MEF2A: variants seen among roughly 807,000 people sequenced by gnomAD.
The protein encoded by MEF2A is myocyte-specific enhancer factor 2A.
Under a neutral mutation model 55.8 loss-of-function variants are expected in MEF2A, and 28 were observed. That is an observed-to-expected ratio of 0.50 (90% CI 0.37 to 0.69). The LOEUF is 0.69. Ranked by LOEUF, MEF2A falls within the 30% of genes least tolerant of loss-of-function variation. MEF2A has a pLI of 0.00. For missense variants in MEF2A, 528 were observed against 626.2 expected, an observed-to-expected ratio of 0.84 and a Z score of 1.67; for synonymous variants, 239 against 227.1, an observed-to-expected ratio of 1.05 and a Z score of -0.47.
chr15:99,600,302 C>T (rs185349948), intron 2 of MEF2A, among the ~76,000 whole-genome samples: 15 of 152,238 alleles, frequency 9.9e-5, no homozygotes, highest in Admixed American at 3.9e-4. Context: ...TCCTTCATGA[C>T]GGGCCTTCTA....
intron 8 of MEF2A, among the ~76,000 whole-genome samples, chr15:99,701,334 C>T (rs574584090): frequency 2.0e-4 from 31 of 152,120 alleles, no homozygotes; most frequent in Non-Finnish European, 4.4e-4. Context: ...AAATCAGACC[C>T]AAATTGAGAG....
At chr15:99,680,924 GCAAA>G (rs1318379565) in intron 7 of MEF2A, among the ~76,000 whole-genome samples, 1 of 152,040 alleles carries the variant, frequency 6.6e-6, no homozygotes, top group Non-Finnish European at 1.5e-5. Context: ...TGTCATCTGT[GCAAA>G]TAAAACTTGG....
chr15:99,635,830 A>G (rs1318022233), intron 3 of MEF2A, among the ~76,000 whole-genome samples: 1 of 152,046 alleles, frequency 6.6e-6, no homozygotes, highest in Admixed American at 6.5e-5. Context: ...ACTTTTTTCT[A>G]TTGTAAATGG....
intron 3 of MEF2A, among the ~76,000 whole-genome samples, chr15:99,642,127 G>A (rs1023511210): frequency 6.6e-6 from 1 of 152,062 alleles, no homozygotes; most frequent in Non-Finnish European, 1.5e-5. Context: ...TAGGTCTAAC[G>A]TTCTAGGTAT....
At chr15:99,706,426 A>T (rs1253521020) in intron 9 of MEF2A, among the ~76,000 whole-genome samples, 1 of 152,250 alleles carries the variant, frequency 6.6e-6, no homozygotes, top group East Asian at 1.9e-4. Flanking sequence ...CAGTATTTGT[A>T]GTGGCATCAA....
At chr15:99,689,293 A>G (rs1010620221) in intron 7 of MEF2A, among the ~76,000 whole-genome samples, 3 of 152,260 alleles carry the variant, frequency 2.0e-5, no homozygotes, top group African/African-American at 4.8e-5. Context: ...ACGGGGCATT[A>G]GAAATGAGTG....
intron 8 of MEF2A, among the ~76,000 whole-genome samples, chr15:99,698,403 T>C (rs867418245): frequency 1.4e-4 from 22 of 152,238 alleles, no homozygotes; most frequent in African/African-American, 1.7e-4. Context: ...GGCAAATAAG[T>C]GTATGAAAAT....
At chr15:99,693,458 C>T (rs1045452691) in intron 8 of MEF2A, among the ~76,000 whole-genome samples, 5 of 152,046 alleles carry the variant, frequency 3.3e-5, no homozygotes, top group African/African-American at 7.2e-5. Flanking sequence ...CGCACACACA[C>T]TCTCACTCCT....
intron 7 of MEF2A, among the ~76,000 whole-genome samples, chr15:99,689,437 A>G (rs981081796): frequency 6.6e-5 from 10 of 152,132 alleles, no homozygotes; most frequent in African/African-American, 2.2e-4. Context: ...TACCTCCATT[A>G]TTTTAGTCCC....
At chr15:99,710,908 T>C in intron 11 of MEF2A, 148 bp downstream of exon 11, 1 of 980,752 alleles carries the variant, frequency 1.0e-6, no homozygotes, top group East Asian at 2.7e-5. Context: ...CGGGAGAAAA[T>C]ATTTTCTTAC....
chr15:99,623,772 G>C, intron 2 of MEF2A, among the ~76,000 whole-genome samples: 1 of 149,678 alleles, frequency 6.7e-6, no homozygotes, highest in East Asian at 1.9e-4. Flanking sequence ...ATATATTCTG[G>C]ATATTAATCT....
intron 2 of MEF2A, among the ~76,000 whole-genome samples, chr15:99,612,192 G>A (rs920015676): frequency 1.3e-5 from 2 of 152,134 alleles, no homozygotes; most frequent in Non-Finnish European, 2.9e-5. Flanking sequence ...GAGATGGGTG[G>A]ATCATGAGGT....
intron 3 of MEF2A, among the ~76,000 whole-genome samples, chr15:99,635,909 C>T (rs369080908): frequency 1.1e-4 from 16 of 152,198 alleles, no homozygotes; most frequent in East Asian, 9.6e-4. Flanking sequence ...CGATAGTATA[C>T]GTGAACACTT....
At chr15:99,623,722 C>T (rs187100031) in intron 2 of MEF2A, among the ~76,000 whole-genome samples, 19 of 151,652 alleles carry the variant, frequency 1.3e-4, no homozygotes, top group Non-Finnish European at 8.8e-5. Flanking sequence ...AAGTCCTTTG[C>T]CCATTTTTAA....
intron 1 of MEF2A, among the ~76,000 whole-genome samples, chr15:99,573,220 C>A (rs550865841): frequency 6.9e-6 from 1 of 144,514 alleles, no homozygotes; most frequent in Non-Finnish European, 1.5e-5. Flanking sequence ...CCCTGGGAGG[C>A]GGAGCCTGCA....
At chr15:99,659,222 T>A (rs1166392132) in intron 4 of MEF2A, among the ~76,000 whole-genome samples, 3 of 152,046 alleles carry the variant, frequency 2.0e-5, no homozygotes, top group Admixed American at 2.0e-4. Context: ...ACCTGGCTGC[T>A]CAATATCCAG....
At chr15:99,569,581 A>G (rs1961223194) in intron 1 of MEF2A, among the ~76,000 whole-genome samples, 1 of 152,222 alleles carries the variant, frequency 6.6e-6, no homozygotes, top group Admixed American at 6.5e-5. Context: ...TTTTCTAAAG[A>G]TTCAAGTTAA....
chr15:99,637,244 A>G (rs185194829), intron 3 of MEF2A, among the ~76,000 whole-genome samples: 74 of 151,810 alleles, frequency 4.9e-4, no homozygotes, highest in Admixed American at 1.8e-3. Context: ...TTTTTTTTCC[A>G]CTGGATGTAG....
intron 2 of MEF2A, among the ~76,000 whole-genome samples, chr15:99,625,713 T>G (rs2041938261): frequency 6.6e-6 from 1 of 152,164 alleles, no homozygotes; most frequent in Admixed American, 6.5e-5. Flanking sequence ...AAATCCTTTT[T>G]CAGTACTAAT....
Sources: gnomAD v4.1 joint callset for allele counts (sites outside exome capture counted in the v4.1 genomes callset) on GRCh38, gnomAD v4.1.1 for gene constraint, MANE v1.5 for transcripts, NCBI Gene and HGNC (gene_info 2026-07-23, HGNC 2026-07-21) for gene names.